RASAL2: variants seen among roughly 807,000 people sequenced by gnomAD.
RASAL2 encodes the protein RAS protein activator like 2.
RASAL2 carries 58 observed loss-of-function variants against 128.9 expected under a neutral mutation model. The ratio of observed to expected loss-of-function variants is 0.45; its 90% CI spans 0.36 to 0.56. RASAL2 has a LOEUF of 0.56. Among genes scored for constraint, RASAL2 ranks in the 20% least tolerant of loss-of-function variants. The pLI is 0.00. For synonymous variants in RASAL2, 561 were observed against 580.8 expected, an observed-to-expected ratio of 0.97 and a Z score of 0.49; for missense variants, 1,360 against 1,601.6, an observed-to-expected ratio of 0.85 and a Z score of 2.57.
chr1:178,266,907 GC>G (rs1006526119), intron 1 of RASAL2, among the ~76,000 whole-genome samples: 2 of 152,158 alleles, frequency 1.3e-5, no homozygotes, highest in Non-Finnish European at 1.5e-5. Context: ...ACATGTGGGG[GC>G]AAAGGCAAGA....
intron 1 of RASAL2, among the ~76,000 whole-genome samples, chr1:178,134,592 T>C (rs1464287471): frequency 6.6e-6 from 1 of 151,748 alleles, no homozygotes; most frequent in Non-Finnish European, 1.5e-5. Flanking sequence ...GCAAAAACAA[T>C]AGCCAACGCC....
chr1:178,263,950 C>A (rs2102144291), intron 1 of RASAL2, among the ~76,000 whole-genome samples: 1 of 152,226 alleles, frequency 6.6e-6, no homozygotes, highest in African/African-American at 2.4e-5. Flanking sequence ...TCAGCGTGTG[C>A]CATTGTGCTC....
chr1:178,457,275 G>A (rs886141123), intron 13 of RASAL2, among the ~76,000 whole-genome samples: 17 of 152,182 alleles, frequency 1.1e-4, no homozygotes, highest in South Asian at 2.1e-4. Flanking sequence ...ATACAATGTC[G>A]ATGCTTAGAC....
At position 178,474,966 on chromosome 1, in the gene RASAL2, A is replaced by G. The variant is rs1388187020; in HGVS notation, c.*1727A>G. 6.6e-6 allele frequency: 1 copy of G among 152,220 alleles called. No individual in the cohort carries two copies. Among genetic ancestry groups the G allele is most frequent in the Non-Finnish European group, 1.5e-5 (1 of 68,026 alleles). 9.4% of individuals were successfully genotyped at this position (152,220 alleles called of 1,614,324 possible). A position where few individuals can be genotyped will look rare whatever the true frequency, so the allele number is the denominator to read the frequency against. ...ATATGCATCAAGTGAGTGTTTCTCC[A>G]TAACAGAATATTTATAAGAGAACAT... On this transcript the variant is annotated 3_prime_UTR_variant, in exon 18 of 18. Coordinates refer to ENST00000367649, the MANE Select transcript of RASAL2 (RefSeq NM_170692.4).
intron 3 of RASAL2, among the ~76,000 whole-genome samples, chr1:178,305,253 C>G (rs765348162): frequency 6.6e-6 from 1 of 152,130 alleles, no homozygotes; most frequent in African/African-American, 2.4e-5. Flanking sequence ...AGTGCAATTC[C>G]TATCAAAATA....
intron 3 of RASAL2, among the ~76,000 whole-genome samples, chr1:178,381,386 A>G (rs569043352): frequency 6.6e-6 from 1 of 152,148 alleles, no homozygotes; most frequent in Non-Finnish European, 1.5e-5. Flanking sequence ...AATGAAGCCA[A>G]CAGCCATTTC....
intron 9 of RASAL2, among the ~76,000 whole-genome samples, 162 bp downstream of exon 9, chr1:178,445,824 C>T (rs1676960539): frequency 6.6e-6 from 1 of 152,092 alleles, no homozygotes; most frequent in South Asian, 2.1e-4. Flanking sequence ...GCAGTACTCA[C>T]CAGTAGAGAA....
At chr1:178,434,977 G>A (rs759367540) in intron 5 of RASAL2, among the ~76,000 whole-genome samples, 8 of 151,832 alleles carry the variant, frequency 5.3e-5, no homozygotes, top group Non-Finnish European at 8.8e-5. Context: ...GAGTATTAGG[G>A]TACCCAATTT....
chr1:178,228,124 G>A (rs765614315), intron 1 of RASAL2, among the ~76,000 whole-genome samples: 13 of 152,164 alleles, frequency 8.5e-5, no homozygotes, highest in Admixed American at 6.5e-4. Context: ...TTAGCTAGCC[G>A]TGACAGATCT....
intron 3 of RASAL2, among the ~76,000 whole-genome samples, chr1:178,379,445 AAGAG>A (rs932623384): frequency 2.0e-5 from 3 of 151,958 alleles, no homozygotes; most frequent in Non-Finnish European, 4.4e-5. Flanking sequence ...AGGAAGAGAG[AAGAG>A]AGAGAGAAAT....
chr1:178,404,212 C>G (rs1274674477), intron 4 of RASAL2, among the ~76,000 whole-genome samples: 1 of 136,046 alleles, frequency 7.4e-6, no homozygotes, highest in Non-Finnish European at 1.5e-5. Context: ...GGCTACAGTG[C>G]GAGACCCCGT....
At chr1:178,257,847 G>GAC (rs1553266326) in intron 1 of RASAL2, among the ~76,000 whole-genome samples, 2 of 128,076 alleles carry the variant, frequency 1.6e-5, no homozygotes, top group Non-Finnish European at 3.1e-5. Context: ...TCTCAAAAAA[G>GAC]AAAAAAAAAA....
chr1:178,287,705 A>G (rs1667096412), intron 2 of RASAL2, among the ~76,000 whole-genome samples: 1 of 152,204 alleles, frequency 6.6e-6, no homozygotes, highest in Non-Finnish European at 1.5e-5. Flanking sequence ...AAACTGGAAG[A>G]AACTGGAGAC....
At chr1:178,418,470 G>A (rs1321979336) in intron 4 of RASAL2, among the ~76,000 whole-genome samples, 7 of 152,212 alleles carry the variant, frequency 4.6e-5, no homozygotes, top group Non-Finnish European at 2.9e-5. Context: ...ATAAGCTGGA[G>A]TGAAAAACAG....
At chr1:178,180,124 A>G (rs886097202) in intron 1 of RASAL2, among the ~76,000 whole-genome samples, 5 of 152,144 alleles carry the variant, frequency 3.3e-5, no homozygotes, top group African/African-American at 1.2e-4. Context: ...TTTGAGATAC[A>G]TAAGGTTTCA....
At chr1:178,286,912 A>G (rs1324120284) in intron 2 of RASAL2, among the ~76,000 whole-genome samples, 1 of 152,138 alleles carries the variant, frequency 6.6e-6, no homozygotes, top group East Asian at 1.9e-4. Flanking sequence ...ACTCCTTCAT[A>G]TTCACAATTG....
intron 1 of RASAL2, among the ~76,000 whole-genome samples, chr1:178,173,280 A>C (rs1473777672): frequency 6.6e-6 from 1 of 152,102 alleles, no homozygotes; most frequent in Non-Finnish European, 1.5e-5. Flanking sequence ...ATGGGAAAAT[A>C]GTTTTAACAG....
At chr1:178,189,603 A>T (rs1662420988) in intron 1 of RASAL2, among the ~76,000 whole-genome samples, 1 of 152,158 alleles carries the variant, frequency 6.6e-6, no homozygotes, top group Non-Finnish European at 1.5e-5. Flanking sequence ...GTTCTACACA[A>T]CCCAATGACC....
intron 1 of RASAL2, among the ~76,000 whole-genome samples, chr1:178,132,491 A>C (rs886863493): frequency 5.3e-5 from 8 of 152,200 alleles, no homozygotes; most frequent in Non-Finnish European, 8.8e-5. Context: ...CTAATCTAGA[A>C]GTGAATAGGA....
Sources: allele counts gnomAD v4.1 joint callset (sites outside exome capture counted in the v4.1 genomes callset), GRCh38; gene constraint gnomAD v4.1.1; transcripts MANE v1.5; gene names NCBI Gene and HGNC (gene_info 2026-07-23, HGNC 2026-07-21).